Variants in PAK5 observed in about 807,000 individuals in gnomAD.
PAK5 encodes serine/threonine-protein kinase PAK 5.
In PAK5, 16 loss-of-function variants were observed where a neutral mutation model predicts 65.9. That is an observed-to-expected ratio of 0.24 (90% CI 0.16 to 0.37). The LOEUF is 0.37. PAK5 is among the 10% of genes least tolerant of loss of function. PAK5 has a pLI of 1.00. For synonymous variants in PAK5, 371 were observed against 354.9 expected (o/e 1.05, Z -0.51); for missense variants, 785 against 903.9 (o/e 0.87, Z 1.69).
intron 1 of PAK5, among the ~76,000 whole-genome samples, chr20:9,815,991 C>T (rs1456504078): frequency 6.6e-6 from 1 of 152,090 alleles, no homozygotes; most frequent in African/African-American, 2.4e-5. Flanking sequence ...AATAGAACTC[C>T]CTAGTTCTGA....
chr20:9,651,368 A>T (rs914783443), intron 2 of PAK5, among the ~76,000 whole-genome samples: 6 of 152,320 alleles, frequency 3.9e-5, no homozygotes, highest in Non-Finnish European at 8.8e-5. Flanking sequence ...AGGTCCAATC[A>T]GTGGCTGAAG....
chr20:9,618,708 C>T (rs112635304), intron 3 of PAK5, among the ~76,000 whole-genome samples: 23 of 151,444 alleles, frequency 1.5e-4, no homozygotes, highest in Non-Finnish European at 2.7e-4. Context: ...CCACTGCGCC[C>T]GGCTGGAACT....
At chr20:9,833,246 G>A (rs868389005) in intron 1 of PAK5, among the ~76,000 whole-genome samples, 3 of 152,056 alleles carry the variant, frequency 2.0e-5, no homozygotes, top group South Asian at 4.1e-4. Context: ...TGCCTTCTTC[G>A]TCATATTTCT....
At chr20:9,574,743 CTCAG>C (rs1435959060) in intron 4 of PAK5, among the ~76,000 whole-genome samples, 3 of 152,186 alleles carry the variant, frequency 2.0e-5, no homozygotes, top group African/African-American at 7.2e-5. Flanking sequence ...AGATAGTGCA[CTCAG>C]TCAGTCCTTG....
intron 3 of PAK5, among the ~76,000 whole-genome samples, chr20:9,605,361 A>C (rs2046434634): frequency 6.6e-6 from 1 of 152,194 alleles, no homozygotes; most frequent in Non-Finnish European, 1.5e-5. Flanking sequence ...AGGTGTGTTC[A>C]GGGGATATGA....
intron 2 of PAK5, among the ~76,000 whole-genome samples, chr20:9,687,880 G>A (rs2047739851): frequency 7.9e-6 from 1 of 126,620 alleles, no homozygotes; most frequent in Non-Finnish European, 1.6e-5. Context: ...GAAGTCAAGA[G>A]AGGGAGGTGT....
At chr20:9,785,011 T>C (rs904157309) in intron 1 of PAK5, among the ~76,000 whole-genome samples, 3 of 151,984 alleles carry the variant, frequency 2.0e-5, no homozygotes, top group Non-Finnish European at 4.4e-5. Flanking sequence ...CAGTAAGCCG[T>C]CATATTATAC....
intron 2 of PAK5, among the ~76,000 whole-genome samples, chr20:9,697,659 T>G (rs2047887251): frequency 6.6e-6 from 1 of 152,158 alleles, no homozygotes. Flanking sequence ...TGTGGCTACT[T>G]GAAGGCTAGA....
chr20:9,832,007 GAA>G (rs1978757629), intron 1 of PAK5, among the ~76,000 whole-genome samples: 1 of 151,964 alleles, frequency 6.6e-6, no homozygotes, highest in African/African-American at 2.4e-5. Flanking sequence ...AAATTGTGGT[GAA>G]GTTTGTTTCA....
chr20:9,614,429 G>C (rs1028203955), intron 3 of PAK5, among the ~76,000 whole-genome samples: 1 of 152,178 alleles, frequency 6.6e-6, no homozygotes, highest in African/African-American at 2.4e-5. Flanking sequence ...TGGAAAGTTG[G>C]AAACAATAAT....
intron 4 of PAK5, among the ~76,000 whole-genome samples, chr20:9,572,760 G>T (rs958812271): frequency 2.6e-5 from 4 of 152,216 alleles, no homozygotes; most frequent in African/African-American, 7.2e-5. Context: ...TGCAGAGCAA[G>T]GGTGGGAAAC....
chr20:9,768,216 T>C (rs1175023153), intron 1 of PAK5, among the ~76,000 whole-genome samples: 1 of 152,132 alleles, frequency 6.6e-6, no homozygotes, highest in Non-Finnish European at 1.5e-5. Flanking sequence ...TAATTTCAAC[T>C]TTTATTTTAG....
chr20:9,691,030 C>T (rs528661955), intron 2 of PAK5, among the ~76,000 whole-genome samples: 1 of 152,216 alleles, frequency 6.6e-6, no homozygotes, highest in South Asian at 2.1e-4. Flanking sequence ...GCTGGGATTA[C>T]AGGTGTGAGC....
intron 2 of PAK5, among the ~76,000 whole-genome samples, chr20:9,680,841 TAGGA>T (rs1488500751): frequency 6.6e-6 from 1 of 152,224 alleles, no homozygotes; most frequent in Non-Finnish European, 1.5e-5. Context: ...ATTCCTACCC[TAGGA>T]TAGGATCAGC....
rs150725498 is a variant in PAK5, at chr20:9,618,915, G to GTTTT, written c.204+25206_204+25209dup. 2.5e-3 allele frequency among the ~76,000 whole-genome samples: 47 copies of GTTTT among 18,840 alleles called. 14 individuals carry two copies. The highest frequency in any genetic ancestry group is 0.02 in the East Asian group (9 of 448). The allele number at this position is 18,840 out of a possible 152,430, so 12.4% of individuals were successfully genotyped here. A position where few individuals can be genotyped will look rare whatever the true frequency, so the allele number is the denominator to read the frequency against. On this transcript the variant is annotated intron_variant, in intron 3 of 9. Coordinates refer to ENST00000353224, the MANE Select transcript of PAK5 (RefSeq NM_177990.4). The stretch of plus-strand genomic sequence containing the variant: ...AGATTCTTTTCTCTCTCTTTCTTTC[G>GTTTT]TTTTTTTTTTTTTTTTTTTTTTTTT...
chr20:9,820,311 C>T (rs2049404645), intron 1 of PAK5, among the ~76,000 whole-genome samples: 1 of 152,106 alleles, frequency 6.6e-6, no homozygotes, highest in Non-Finnish European at 1.5e-5. Context: ...TTTTATAAAA[C>T]TCAGATTTCC....
At chr20:9,713,724 G>T (rs898010469) in intron 1 of PAK5, among the ~76,000 whole-genome samples, 3 of 152,050 alleles carry the variant, frequency 2.0e-5, no homozygotes, top group African/African-American at 4.8e-5. Context: ...AATACGGATG[G>T]AATTGAAGGT....
chr20:9,590,069 C>T (rs921756136), intron 3 of PAK5, among the ~76,000 whole-genome samples: 3 of 152,020 alleles, frequency 2.0e-5, no homozygotes, highest in Admixed American at 6.6e-5. Flanking sequence ...CTCACTATAG[C>T]TTCAAACTCC....
In PAK5 at chr20:9,580,523, G is replaced by C. The variant is rs2123013714; in HGVS notation, c.612C>G (p.Asp204Glu). ...TGTATTCACTTGGTTTGCTCAGTGA[G>C]TCCAAATGTGAGTGATAATCGGCAG... ...RFSADYHSHL[D>E]SLSKPSEYSD... is the part of the protein sequence containing the mutation. Residue 204 changes from aspartate (D) to glutamate (E), a missense_variant, in exon 4 of 10, where the codon GAC becomes GAG. Asp to Glu is a conservative substitution (Grantham distance 45). Transcript: ENST00000353224. 1 of 1,614,206 alleles carries C rather than the reference G, an allele frequency of 6.2e-7. No homozygotes were observed.
Sources: allele counts gnomAD v4.1 joint callset (sites outside exome capture counted in the v4.1 genomes callset), GRCh38; gene constraint gnomAD v4.1.1; transcripts MANE v1.5; gene names NCBI Gene and HGNC (gene_info 2026-07-23, HGNC 2026-07-21).